Variants in ATF6 observed in about 807,000 individuals in gnomAD.
The protein encoded by ATF6 is cyclic AMP-dependent transcription factor ATF-6 alpha.
ATF6 carries 53 observed loss-of-function variants against 83.6 expected under a neutral mutation model. The observed-to-expected ratio is 0.63, with a 90% CI of 0.51 to 0.80. The LOEUF (loss-of-function observed/expected upper bound fraction) is 0.80. Ranked by LOEUF, ATF6 falls within the 30% of genes least tolerant of loss-of-function variation. The pLI is 0.00. For missense variants in ATF6, 744 were observed against 797.9 expected (o/e 0.93, Z 0.81); for synonymous variants, 288 against 285.8 (o/e 1.01, Z -0.08).
At chr1:161,787,934 C>T (rs16845565) in intron 4 of ATF6, among the ~76,000 whole-genome samples, 3,338 of 152,082 alleles carry the variant, frequency 0.022, 119 homozygotes, top group African/African-American at 0.077. Flanking sequence ...AGATAAATTC[C>T]TATTGCTCTG....
intron 14 of ATF6, among the ~76,000 whole-genome samples, chr1:161,905,857 A>G (rs1045487774): frequency 1.3e-5 from 2 of 151,422 alleles, no homozygotes; most frequent in Non-Finnish European, 2.9e-5. Flanking sequence ...TTTGAGACGG[A>G]GTTTCGCCCT....
chr1:161,904,237 A>G (rs953847916), intron 14 of ATF6, among the ~76,000 whole-genome samples: 3 of 152,208 alleles, frequency 2.0e-5, no homozygotes, highest in Non-Finnish European at 2.9e-5. Context: ...ATACTTGACC[A>G]AACAATTTAA....
chr1:161,943,953 G>T (rs1688699870), intron 15 of ATF6, among the ~76,000 whole-genome samples: 1 of 152,142 alleles, frequency 6.6e-6, no homozygotes, highest in Non-Finnish European at 1.5e-5. Flanking sequence ...CTGTTTTGTT[G>T]TTCACTTCTC....
chr1:161,800,174 TAAATG>T (rs1273880375), intron 6 of ATF6, among the ~76,000 whole-genome samples: 1 of 152,160 alleles, frequency 6.6e-6, no homozygotes, highest in African/African-American at 2.4e-5. Context: ...TAGTACCCCT[TAAATG>T]AAATGCTTGG....
rs576500849 is a variant in ATF6 at position 161,839,020 on chromosome 1, A to AT, written c.1188-7427dup. The stretch of plus-strand genomic sequence containing the variant: ...TTTTCCTCCTTTTAGTCTCAGTTGC[A>AT]TTGAAAGTTAACATAATGTTCTGTT... On this transcript the variant is annotated intron_variant, in intron 9 of 15. Transcript: ENST00000367942. 1.6e-4 allele frequency among the ~76,000 whole-genome samples: 24 copies of AT among 152,332 alleles called. No individual in the cohort carries two copies. The South Asian group carries it at 3.5e-3, about 22-fold the overall frequency.
At chr1:161,912,163 A>G in intron 14 of ATF6, 133 bp from the exon 15 acceptor site, 1 of 543,456 alleles carries the variant, frequency 1.8e-6, no homozygotes, top group Non-Finnish European at 3.2e-6. Flanking sequence ...TAGTTAATTA[A>G]GCCAACTTCA....
chr1:161,791,060 A>C (rs1684863080), intron 4 of ATF6, among the ~76,000 whole-genome samples: 1 of 112,036 alleles, frequency 8.9e-6, no homozygotes, highest in African/African-American at 3.6e-5. Flanking sequence ...ACCAAGTTTT[A>C]TATGTGTGTG....
chr1:161,826,220 G>A (rs1480704616), intron 9 of ATF6, among the ~76,000 whole-genome samples: 1 of 152,076 alleles, frequency 6.6e-6, no homozygotes, highest in African/African-American at 2.4e-5. Flanking sequence ...GGGTTAGGGG[G>A]GACATCTCAT....
intron 14 of ATF6, among the ~76,000 whole-genome samples, chr1:161,870,296 T>G (rs1687095522): frequency 6.6e-6 from 1 of 151,862 alleles, no homozygotes; most frequent in South Asian, 2.1e-4. Flanking sequence ...GGAGAATAAC[T>G]TAATGGTTTG....
chr1:161,903,082 AT>A (rs1040985585), intron 14 of ATF6, among the ~76,000 whole-genome samples: 2 of 151,940 alleles, frequency 1.3e-5, no homozygotes, highest in Non-Finnish European at 2.9e-5. Flanking sequence ...ATTTAATTTA[AT>A]TTAGTTTCTT....
At chr1:161,802,607 T>C (rs1006007601) in intron 7 of ATF6, among the ~76,000 whole-genome samples, 1 of 152,208 alleles carries the variant, frequency 6.6e-6, no homozygotes, top group African/African-American at 2.4e-5. Flanking sequence ...ACTAATATTT[T>C]ACAGATTCAA....
chr1:161,779,823 T>G (rs1684593600), intron 2 of ATF6, among the ~76,000 whole-genome samples: 1 of 152,028 alleles, frequency 6.6e-6, no homozygotes, highest in African/African-American at 2.4e-5. Context: ...CTGCAACCTC[T>G]GCCTCCCAGG....
At chr1:161,818,795 G>A (rs1026837914) in intron 7 of ATF6, among the ~76,000 whole-genome samples, 3 of 152,194 alleles carry the variant, frequency 2.0e-5, no homozygotes, top group Non-Finnish European at 2.9e-5. Flanking sequence ...GCCGTGGGAG[G>A]TCACAATATG....
At chr1:161,852,430 A>G (rs1322382873) in intron 11 of ATF6, among the ~76,000 whole-genome samples, 1 of 151,868 alleles carries the variant, frequency 6.6e-6, no homozygotes, top group Non-Finnish European at 1.5e-5. Flanking sequence ...ATTTTTTTTT[A>G]CCCCAGGCAA....
At chr1:161,811,161 G>T (rs1685445236) in intron 7 of ATF6, among the ~76,000 whole-genome samples, 1 of 152,026 alleles carries the variant, frequency 6.6e-6, no homozygotes, top group Admixed American at 6.6e-5. Context: ...AACCATCAAT[G>T]GACAATATAT....
chr1:161,875,614 T>C (rs1246017317), intron 14 of ATF6, among the ~76,000 whole-genome samples: 1 of 151,858 alleles, frequency 6.6e-6, no homozygotes, highest in Non-Finnish European at 1.5e-5. Context: ...CAAAAATATG[T>C]CAGTTTTCCT....
At chr1:161,926,652 G>T (rs147670542) in intron 15 of ATF6, among the ~76,000 whole-genome samples, 1 of 152,290 alleles carries the variant, frequency 6.6e-6, no homozygotes, top group African/African-American at 2.4e-5. Flanking sequence ...TACATTGTGG[G>T]AGGGGACTGT....
intron 13 of ATF6, among the ~76,000 whole-genome samples, chr1:161,861,392 A>T (rs559124799): frequency 6.6e-6 from 1 of 152,330 alleles, no homozygotes; most frequent in South Asian, 2.1e-4. Flanking sequence ...AATGAGCAGC[A>T]TATCAGCAAT....
intron 7 of ATF6, among the ~76,000 whole-genome samples, chr1:161,818,372 CAA>C (rs1329349623): frequency 6.6e-6 from 1 of 152,076 alleles, no homozygotes; most frequent in Non-Finnish European, 1.5e-5. Context: ...GAAAACATAA[CAA>C]AAATAATTTC....
Sources: gnomAD v4.1 joint callset for allele counts (sites outside exome capture counted in the v4.1 genomes callset) on GRCh38, gnomAD v4.1.1 for gene constraint, MANE v1.5 for transcripts, NCBI Gene and HGNC (gene_info 2026-07-23, HGNC 2026-07-21) for gene names.